Variants in SUN2 observed in about 807,000 individuals in gnomAD.
SUN2 encodes the protein SUN domain-containing protein 2.
SUN2 carries 60 observed loss-of-function variants against 100.0 expected under a neutral mutation model. The ratio of observed to expected loss-of-function variants is 0.60; its 90% CI spans 0.49 to 0.74. The LOEUF (loss-of-function observed/expected upper bound fraction) is 0.74, where lower values mean the gene tolerates loss of function less well. Ranked by LOEUF, SUN2 falls within the 30% of genes least tolerant of loss-of-function variation. SUN2 has a pLI of 0.00. For missense variants in SUN2, 834 were observed against 954.6 expected (o/e 0.87, Z 1.66); for synonymous variants, 367 against 403.3 (o/e 0.91, Z 1.08).
intron 4 of SUN2, 121 bp from the exon 5 acceptor site, chr22:38,750,441 G>A: frequency 6.6e-7 from 1 of 1,523,090 alleles, no homozygotes; most frequent in Non-Finnish European, 8.9e-7. Flanking sequence ...GCCCCACACA[G>A]GCCCGGTGTG....
In SUN2 at chr22:38,755,630, G is replaced by C. The variant is rs2146125133; in HGVS notation, c.-38+133C>G. 2 of 950,988 alleles carry C rather than the reference G, an allele frequency of 2.1e-6. No homozygotes were observed. The highest frequency in any genetic ancestry group is 2.5e-6 in the Non-Finnish European group (2 of 798,438). The allele number at this position is 950,988 out of a possible 1,614,324, so 58.9% of individuals were successfully genotyped here. A position where few individuals can be genotyped will look rare whatever the true frequency, so the allele number is the denominator to read the frequency against. ...GGGCCGCGGACCCGGGTGGAGGCTGGATCCGGCCCAGCACGTCCCGGAGAG... is the reference window on the plus strand; with the variant it reads ...GGGCCGCGGACCCGGGTGGAGGCTGCATCCGGCCCAGCACGTCCCGGAGAG... On this transcript the variant is annotated intron_variant, in intron 1 of 17. Transcript: ENST00000689035. The surrounding 1 kb of genome is among the most constrained non-coding windows in gnomAD (Gnocchi z 5.7).
chr22:38,754,622 C>G, intron 1 of SUN2: 6 of 1,037,000 alleles, frequency 5.8e-6, no homozygotes, highest in Non-Finnish European at 7.9e-6. Context: ...CCCTCCCTGC[C>G]CCGCCCGTAC....
chr22:38,736,484 C>A, intron 17 of SUN2, 104 bp from the exon 18 acceptor site: 3 of 839,574 alleles, frequency 3.6e-6, no homozygotes, highest in Non-Finnish European at 5.4e-6. Flanking sequence ...AGATGGCTCC[C>A]CTGCTCCTTC....
At position 38,749,856 on chromosome 22, in the gene SUN2, C is replaced by A; in HGVS notation, c.524G>T (p.Arg175Leu). 2 of 1,612,704 alleles carry A rather than the reference C, an allele frequency of 1.2e-6. No individual in the cohort carries two copies. The highest frequency in any genetic ancestry group is 1.7e-5 in the Admixed American group (1 of 59,832). Reference protein sequence around the residue: ...LLWMVATSPGRLFRLLYWWAG... With the variant: ...LLWMVATSPGLLFRLLYWWAG... ...CCACCAGTAGAGAAGTCTGAAGAGC[C>A]GGCCTGGAAGAATGACCATCAAGCC... The change falls in exon 6 of 18, where the codon CGG becomes CTG. Residue 175 changes from arginine to leucine, a missense_variant. Arg to Leu is a moderately radical substitution (Grantham distance 102, BLOSUM62 -2). Coordinates refer to ENST00000689035, the MANE Select transcript of SUN2 (RefSeq NM_015374.3).
At chr22:38,754,574 G>T in intron 1 of SUN2, 1 of 1,099,776 alleles carries the variant, frequency 9.1e-7, no homozygotes, top group South Asian at 1.3e-5. Flanking sequence ...CTGGGTCCTT[G>T]TCTCTATTCC....
Position 38,738,376 on chromosome 22 carries a change from G to T in SUN2, c.1948-111C>A. On this transcript the variant is annotated intron_variant, in intron 16 of 17. Coordinates refer to ENST00000689035, the MANE Select transcript of SUN2 (RefSeq NM_015374.3). The surrounding 1 kb of genome is among the most constrained non-coding windows in gnomAD (Gnocchi z 6.6). ...CAGGTCAGGCACCAGAGTGGCCTAT[G>T]ACAAGTCACTTCACTCTCTTGTGCC... is the stretch of plus-strand genomic sequence containing the variant. 8.9e-7 allele frequency: 1 copy of T among 1,129,814 alleles called. No individual in the cohort carries two copies. The highest frequency in any genetic ancestry group is 1.5e-5 in the South Asian group (1 of 68,958). The allele number at this position is 1,129,814 out of a possible 1,614,324, so 70.0% of individuals were successfully genotyped here.
Position 38,741,681 on chromosome 22 carries a change from G to T in SUN2, c.1069-110C>A, listed in dbSNP as rs909510791. The T allele has an allele frequency of 1.1e-5, 11 of 1,016,200 alleles. No homozygotes were observed. In the African/African-American group the frequency reaches 1.4e-4, roughly 13 times the overall value. 62.9% of individuals were successfully genotyped at this position (1,016,200 alleles called of 1,614,324 possible). ...CAAACAAGGTCTGTTTGCTTCCAGA[G>T]CCCTGGCTCTCAGCCTTCTCTGAAC... On this transcript the variant is annotated intron_variant, in intron 9 of 17. Transcript: ENST00000689035.
Position 38,740,650 on chromosome 22 carries a change from GC to G in SUN2, c.1191-219del. 7.1e-6 allele frequency: 4 copies of G among 560,562 alleles called. No homozygotes were observed. The highest frequency in any genetic ancestry group is 1.2e-5 in the Non-Finnish European group (4 of 320,350). The allele number at this position is 560,562 out of a possible 1,614,324, so 34.7% of individuals were successfully genotyped here. Reference sequence around the variant, plus strand: ...AATTCTGAGCCTGCTCCCTTTCTAAGCCCAGAGTCCAGAATGTACTCTGCCT... The same window carrying G: ...AATTCTGAGCCTGCTCCCTTTCTAAGCCAGAGTCCAGAATGTACTCTGCCT... On this transcript the variant is annotated intron_variant, in intron 11 of 17. Transcript: ENST00000689035. This position sits in a 1 kb window ranked among gnomAD's most constrained non-coding sequence, Gnocchi z 4.8.
chr22:38,744,943 T>C, intron 8 of SUN2: 4 of 425,146 alleles, frequency 9.4e-6, no homozygotes, highest in Non-Finnish European at 2.0e-5. Flanking sequence ...CCACCATCCC[T>C]CACTCCTCCC....
At position 38,739,077 on chromosome 22, in the gene SUN2, G is replaced by A. The variant is rs1476376209; in HGVS notation, c.1664-89C>T. ...GGCTGTCTCCTCGCTGAAGGTGGAC[G>A]GCAGATGCCCCAGGCCTAGCCTTTA... On this transcript the variant is annotated intron_variant, in intron 14 of 17. Coordinates refer to ENST00000689035, the MANE Select transcript of SUN2 (RefSeq NM_015374.3). The surrounding 1 kb of genome is among the most constrained non-coding windows in gnomAD (Gnocchi z 6.7). 1.6e-5 allele frequency: 21 copies of A among 1,301,268 alleles called. No homozygotes were observed. The highest frequency in any genetic ancestry group is 2.4e-4 in the Middle Eastern group (1 of 4,160). 80.6% of individuals were successfully genotyped at this position (1,301,268 alleles called of 1,614,324 possible). A position where few individuals can be genotyped will look rare whatever the true frequency, so the allele number is the denominator to read the frequency against.
intron 1 of SUN2, among the ~76,000 whole-genome samples, chr22:38,753,114 G>A (rs576099365): frequency 7.8e-4 from 118 of 151,724 alleles, no homozygotes; most frequent in Non-Finnish European, 1.3e-3. Context: ...TCCCAGTCTC[G>A]CTCTAGCTGT....
chr22:38,745,617 A>G lies in SUN2; in HGVS notation c.813+67T>C, dbSNP rs1603225328. ...ACGGTGTGAGGCAGGCTGAGGGCGC[A>G]CCCACCACTTTCACCGTCACCTAAT... is the stretch of plus-strand genomic sequence containing the variant. On this transcript the variant is annotated intron_variant, in intron 8 of 17. Coordinates refer to ENST00000689035, the MANE Select transcript of SUN2 (RefSeq NM_015374.3). 8 of 1,589,996 alleles carry G rather than the reference A, an allele frequency of 5.0e-6. 1 individual carries two copies. The highest frequency in any genetic ancestry group is 4.5e-5 in the South Asian group (4 of 89,364).
chr22:38,741,156 C>G, intron 10 of SUN2, 106 bp from the exon 11 acceptor site: 1 of 1,293,990 alleles, frequency 7.7e-7, no homozygotes, highest in Non-Finnish European at 1.1e-6. Context: ...ACACCCCTGC[C>G]CAAGGTCTCT....
intron 8 of SUN2, 189 bp from the exon 9 acceptor site, chr22:38,742,744 A>T (rs1015270685): frequency 8.9e-6 from 6 of 675,554 alleles, no homozygotes; most frequent in Non-Finnish European, 1.4e-5. Context: ...GTGTGCTGGG[A>T]GCCAGGGATC....
chr22:38,755,035 A>G lies in SUN2; in HGVS notation c.-38+728T>C. Reference sequence around the variant, plus strand: ...CCGCCCCACCTCCTCCCTAACAATCAGTTAGGAAACGCTCATCGGAAAGCA... The same window carrying G: ...CCGCCCCACCTCCTCCCTAACAATCGGTTAGGAAACGCTCATCGGAAAGCA... On this transcript the variant is annotated intron_variant, in intron 1 of 17. Coordinates refer to ENST00000689035, the MANE Select transcript of SUN2 (RefSeq NM_015374.3). The surrounding 1 kb of genome is among the most constrained non-coding windows in gnomAD (Gnocchi z 5.7). The G allele has an allele frequency of 1.7e-6, 2 of 1,162,720 alleles. No individual in the cohort carries two copies. Among genetic ancestry groups the G allele is most frequent in the Non-Finnish European group, 2.2e-6 (2 of 895,476 alleles). 72.0% of individuals were successfully genotyped at this position (1,162,720 alleles called of 1,614,324 possible).
intron 6 of SUN2, 82 bp from the exon 7 acceptor site, chr22:38,748,865 C>G (rs1311897720): frequency 7.1e-7 from 1 of 1,404,732 alleles, no homozygotes; most frequent in Non-Finnish European, 1.0e-6. Context: ...CAGGGAGTAC[C>G]CTGAGATGTT....
chr22:38,735,293 C>A lies in SUN2; in HGVS notation c.*974G>T, dbSNP rs1339112029. The A allele has an allele frequency of 2.2e-6, 1 of 453,142 alleles. No individual in the cohort carries two copies. Among genetic ancestry groups the A allele is most frequent in the Admixed American group, 2.4e-5 (1 of 41,936 alleles). The allele number at this position is 453,142 out of a possible 1,614,324, so 28.1% of individuals were successfully genotyped here. A position where few individuals can be genotyped will look rare whatever the true frequency, so the allele number is the denominator to read the frequency against. On this transcript the variant is annotated 3_prime_UTR_variant, in exon 18 of 18. Transcript: ENST00000689035. Reference sequence around the variant, plus strand: ...CCAAGGGGGCAGCCTGAGCGGACGACCCCTACATCAGGGCCTGGTTAGATG... The same window carrying A: ...CCAAGGGGGCAGCCTGAGCGGACGAACCCTACATCAGGGCCTGGTTAGATG...
chr22:38,754,989 G>C, intron 1 of SUN2: 1 of 1,286,488 alleles, frequency 7.8e-7, no homozygotes, highest in Non-Finnish European at 1.0e-6. Flanking sequence ...CTACTACTGC[G>C]AATCATAATA....
At position 38,740,717 on chromosome 22, in the gene SUN2, T is replaced by C; in HGVS notation, c.1191-285A>G. ...TCCACAAGCATGGACATCTGGGGCA[T>C]GAGAAGGCAGTTATGTGAGGCTGTA... On this transcript the variant is annotated intron_variant, in intron 11 of 17. Transcript: ENST00000689035. The surrounding 1 kb of genome is among the most constrained non-coding windows in gnomAD (Gnocchi z 4.8). The C allele has an allele frequency of 1.7e-6, 1 of 583,704 alleles. No individual in the cohort carries two copies. Among genetic ancestry groups the C allele is most frequent in the South Asian group, 2.1e-5 (1 of 47,114 alleles). 36.2% of individuals were successfully genotyped at this position (583,704 alleles called of 1,614,324 possible). A position where few individuals can be genotyped will look rare whatever the true frequency, so the allele number is the denominator to read the frequency against.
Sources: allele counts gnomAD v4.1 joint callset (sites outside exome capture counted in the v4.1 genomes callset), GRCh38; gene constraint gnomAD v4.1.1; non-coding constraint Gnocchi (gnomAD v3.1); transcripts MANE v1.5; gene names NCBI Gene and HGNC (gene_info 2026-07-23, HGNC 2026-07-21).